Variants in SMG6 observed in about 807,000 individuals in gnomAD.
SMG6 encodes SMG6 nonsense mediated mRNA decay factor.
Under a neutral mutation model 142.2 loss-of-function variants are expected in SMG6, and 66 were observed. That is an observed-to-expected ratio of 0.46 (90% CI 0.38 to 0.57). SMG6 has a LOEUF of 0.57. Ranked by LOEUF, SMG6 falls within the 20% of genes least tolerant of loss-of-function variation. The probability of loss-of-function intolerance (pLI) is 0.00; values close to 1 mark genes in which losing one functional copy is unlikely to be tolerated. For synonymous variants in SMG6, 779 were observed against 702.4 expected (o/e 1.11, Z -1.72); for missense variants, 1,793 against 1,832.0 (o/e 0.98, Z 0.39).
chr17:2,198,718 CGAA>C (rs1335284078), intron 10 of SMG6, among the ~76,000 whole-genome samples: 6 of 151,714 alleles, frequency 4.0e-5, no homozygotes, highest in Non-Finnish European at 8.8e-5. Flanking sequence ...CAAGTAAAAC[CGAA>C]GAAGATCTGA....
chr17:2,117,213 G>A (rs1000501274), intron 13 of SMG6, among the ~76,000 whole-genome samples: 1 of 151,286 alleles, frequency 6.6e-6, no homozygotes, highest in African/African-American at 2.4e-5. Context: ...TTTCACCTCA[G>A]CCTCCCAAGT....
chr17:2,281,008 C>T (rs1057312992), intron 8 of SMG6, among the ~76,000 whole-genome samples: 19 of 152,146 alleles, frequency 1.2e-4, no homozygotes, highest in African/African-American at 3.9e-4. Context: ...GGATTTCGAT[C>T]GCATCACTGC....
rs190650029 is a variant in SMG6 at position 2,166,104 on chromosome 17, C to T, written c.3357+6554G>A. 4.7e-4 allele frequency among the ~76,000 whole-genome samples: 72 copies of T among 152,048 alleles called. 1 individual carries two copies. The highest frequency in any genetic ancestry group is 3.7e-3 in the Admixed American group (57 of 15,250). Reference sequence around the variant, plus strand: ...GCAGGTGCCTGAAATCACAGCTACTCGGGAGGCTGAGGCAGGAGAATCACT... The same window carrying T: ...GCAGGTGCCTGAAATCACAGCTACTTGGGAGGCTGAGGCAGGAGAATCACT... On this transcript the variant is annotated intron_variant, in intron 13 of 18. Transcript: ENST00000263073.
intron 18 of SMG6, chr17:2,062,355 T>TC (rs2067806644): frequency 6.6e-6 from 1 of 152,284 alleles, no homozygotes; most frequent in Admixed American, 6.5e-5. Flanking sequence ...CTTCCAGGTT[T>TC]CTTTAGGCAC....
chr17:2,134,695 G>C (rs1303364604), intron 13 of SMG6, among the ~76,000 whole-genome samples: 1 of 152,018 alleles, frequency 6.6e-6, no homozygotes, highest in Admixed American at 6.6e-5. Flanking sequence ...ATAATATTCT[G>C]AATCCTGCTA....
intron 8 of SMG6, among the ~76,000 whole-genome samples, chr17:2,279,578 G>T (rs915912713): frequency 1.3e-5 from 2 of 152,170 alleles, no homozygotes; most frequent in African/African-American, 4.8e-5. Flanking sequence ...CATAGTATAT[G>T]GATTACTGAA....
chr17:2,145,537 G>A (rs990829654), intron 13 of SMG6, among the ~76,000 whole-genome samples: 31 of 150,278 alleles, frequency 2.1e-4, no homozygotes, highest in African/African-American at 7.4e-4. Flanking sequence ...CATGTAGGGT[G>A]GGCGCAGTGG....
intron 18 of SMG6, among the ~76,000 whole-genome samples, chr17:2,063,864 A>G (rs1253428588): frequency 6.6e-6 from 1 of 152,144 alleles, no homozygotes; most frequent in Non-Finnish European, 1.5e-5. Context: ...GGATACTCAG[A>G]GACTACTGAG....
intron 16 of SMG6, among the ~76,000 whole-genome samples, 159 bp from the exon 17 acceptor site, chr17:2,065,838 G>C (rs2067927624): frequency 6.6e-6 from 1 of 152,212 alleles, no homozygotes; most frequent in Admixed American, 6.5e-5. Flanking sequence ...GGAGCTTGTG[G>C]GGGCAAGAAG....
intron 2 of SMG6, among the ~76,000 whole-genome samples, chr17:2,298,439 G>A (rs2075192086): frequency 1.3e-5 from 2 of 152,144 alleles, no homozygotes; most frequent in South Asian, 4.1e-4. Flanking sequence ...TAGAAATAGG[G>A]CCGGGCGCGG....
rs74876703 is a variant in SMG6, at chr17:2,264,221, G to A, written c.2661+18426C>T. 9.9e-3 allele frequency among the ~76,000 whole-genome samples: 1,500 copies of A among 152,260 alleles called. 26 individuals carry two copies. The highest frequency in any genetic ancestry group is 0.034 in the African/African-American group (1,408 of 41,528). Reference sequence around the variant, plus strand: ...GGGACGATTTATAGTACCCCCTCACGTACATTCCAGTTGGCTGGAACTCAG... The same window carrying A: ...GGGACGATTTATAGTACCCCCTCACATACATTCCAGTTGGCTGGAACTCAG... On this transcript the variant is annotated intron_variant, in intron 8 of 18. Coordinates refer to ENST00000263073, the MANE Select transcript of SMG6 (RefSeq NM_017575.5).
chr17:2,203,072 C>A (rs894566864), intron 10 of SMG6, among the ~76,000 whole-genome samples: 16 of 152,136 alleles, frequency 1.1e-4, no homozygotes, highest in East Asian at 1.9e-4. Context: ...CTACTCTCTA[C>A]AAGAAAAAAT....
chr17:2,139,653 G>A (rs745413297), intron 13 of SMG6, among the ~76,000 whole-genome samples: 24 of 151,610 alleles, frequency 1.6e-4, no homozygotes, highest in Admixed American at 2.6e-4. Context: ...ACTCCTGACC[G>A]CAAGTGATCT....
chr17:2,215,092 T>C (rs969298265), intron 10 of SMG6, among the ~76,000 whole-genome samples: 1 of 152,216 alleles, frequency 6.6e-6, no homozygotes, highest in East Asian at 1.9e-4. Flanking sequence ...AACACAGCTC[T>C]GGTACAGTAA....
At chr17:2,220,113 G>A (rs1464421766) in intron 10 of SMG6, among the ~76,000 whole-genome samples, 1 of 152,036 alleles carries the variant, frequency 6.6e-6, no homozygotes, top group Admixed American at 6.6e-5. Context: ...TGTAGAGATG[G>A]GGTTTTGCCA....
At chr17:2,276,796 T>A (rs1481535453) in intron 8 of SMG6, among the ~76,000 whole-genome samples, 1 of 152,146 alleles carries the variant, frequency 6.6e-6, no homozygotes, top group South Asian at 2.1e-4. Context: ...TTTTTGTTTT[T>A]TTGAGATGGA....
chr17:2,269,392 A>C (rs201693010), intron 8 of SMG6, among the ~76,000 whole-genome samples: 2 of 50,880 alleles, frequency 3.9e-5, no homozygotes, highest in African/African-American at 3.5e-4. Context: ...ACTCTGTCCC[A>C]AAAAAAAAAG....
chr17:2,230,186 CAAA>C (rs1184138967), intron 10 of SMG6, among the ~76,000 whole-genome samples: 1 of 8,192 alleles, frequency 1.2e-4, no homozygotes, highest in Non-Finnish European at 3.0e-4. Flanking sequence ...ACTCCGTCTC[CAAA>C]AAAAAAAAAA....
At chr17:2,076,482 G>A (rs1375368163) in intron 15 of SMG6, among the ~76,000 whole-genome samples, 10 of 152,148 alleles carry the variant, frequency 6.6e-5, no homozygotes, top group Non-Finnish European at 1.5e-5. Flanking sequence ...CATGGGTTTG[G>A]AGCACTGAAG....
Sources: gnomAD v4.1 joint callset for allele counts (sites outside exome capture counted in the v4.1 genomes callset) on GRCh38, gnomAD v4.1.1 for gene constraint, MANE v1.5 for transcripts, NCBI Gene and HGNC (gene_info 2026-07-23, HGNC 2026-07-21) for gene names.